NRG3: variants seen among roughly 807,000 people sequenced by gnomAD.
The protein encoded by NRG3 is neuregulin 3.
Under a neutral mutation model 66.9 loss-of-function variants are expected in NRG3, and 31 were observed. The ratio of observed to expected loss-of-function variants is 0.46; its 90% CI spans 0.35 to 0.63. NRG3 has a LOEUF of 0.63. Among genes scored for constraint, NRG3 ranks in the 20% least tolerant of loss-of-function variants. NRG3 has a pLI of 0.00. For missense variants in NRG3, 910 were observed against 878.9 expected, an observed-to-expected ratio of 1.04 and a Z score of -0.45; for synonymous variants, 393 against 359.4, an observed-to-expected ratio of 1.09 and a Z score of -1.06.
rs576519647 is a variant in NRG3, at chr10:82,598,958, G to C, written c.954-139619G>C. Among the ~76,000 whole-genome samples the C allele has an allele frequency of 6.6e-5, 10 of 152,252 alleles. No individual in the cohort carries two copies. In the East Asian group the frequency reaches 1.9e-3, roughly 30 times the overall value. ...CCAGCTGCTCGGGAGCCTGAGGCAG[G>C]AGAATTGCTTGAACACAGGAGGTGG... On this transcript the variant is annotated intron_variant, in intron 2 of 8. Coordinates refer to ENST00000372141, the MANE Select transcript of NRG3 (RefSeq NM_001010848.4).
At chr10:82,036,760 T>C (rs1398400411) in intron 1 of NRG3, among the ~76,000 whole-genome samples, 1 of 152,062 alleles carries the variant, frequency 6.6e-6, no homozygotes, top group Non-Finnish European at 1.5e-5. Context: ...TCTCCATAGG[T>C]CTTTACATCT....
chr10:82,354,584 G>T (rs2083658308), intron 1 of NRG3, among the ~76,000 whole-genome samples: 1 of 152,002 alleles, frequency 6.6e-6, no homozygotes, highest in Non-Finnish European at 1.5e-5. Context: ...TAGAGACAGG[G>T]TTTCACCATG....
intron 1 of NRG3, among the ~76,000 whole-genome samples, chr10:81,895,936 A>G (rs1374243958): frequency 6.6e-6 from 1 of 152,206 alleles, no homozygotes; most frequent in East Asian, 1.9e-4. Flanking sequence ...CTGGGGGCAC[A>G]TTGAAATCAT....
chr10:82,405,139 A>T (rs1270391015), intron 2 of NRG3, among the ~76,000 whole-genome samples: 1 of 152,158 alleles, frequency 6.6e-6, no homozygotes, highest in Non-Finnish European at 1.5e-5. Flanking sequence ...CAAAGTGAAA[A>T]AGACCTCAGA....
At chr10:82,600,004 A>C (rs2047519893) in intron 2 of NRG3, among the ~76,000 whole-genome samples, 1 of 152,170 alleles carries the variant, frequency 6.6e-6, no homozygotes, top group Non-Finnish European at 1.5e-5. Flanking sequence ...TCTACTTATA[A>C]TACTTAAAAA....
chr10:82,788,463 G>A (rs536840453), intron 3 of NRG3, among the ~76,000 whole-genome samples: 16 of 152,134 alleles, frequency 1.1e-4, no homozygotes, highest in African/African-American at 3.4e-4. Context: ...CCAGCTACTC[G>A]GGAGGCTGAG....
chr10:81,970,228 T>G (rs2059881890), intron 1 of NRG3, among the ~76,000 whole-genome samples: 1 of 152,208 alleles, frequency 6.6e-6, no homozygotes, highest in South Asian at 2.1e-4. Flanking sequence ...CTGTTATTTT[T>G]GTGCATATAG....
intron 1 of NRG3, among the ~76,000 whole-genome samples, chr10:82,354,313 A>G (rs894091042): frequency 6.6e-6 from 1 of 152,084 alleles, no homozygotes; most frequent in East Asian, 1.9e-4. Flanking sequence ...GTTCTGAGAT[A>G]CAGGTGTGAG....
At chr10:82,740,591 G>T (rs1440567548) in intron 3 of NRG3, among the ~76,000 whole-genome samples, 2 of 151,994 alleles carry the variant, frequency 1.3e-5, no homozygotes, top group African/African-American at 4.8e-5. Context: ...CCAGCACTTT[G>T]GGAGGCAGAG....
chr10:82,344,454 A>AGT (rs1316652162), intron 1 of NRG3, among the ~76,000 whole-genome samples: 1 of 149,176 alleles, frequency 6.7e-6, no homozygotes, highest in Non-Finnish European at 1.5e-5. Flanking sequence ...TTCTTAATCC[A>AGT]GTGTATCATT....
At chr10:82,402,151 A>C (rs1296773450) in intron 2 of NRG3, among the ~76,000 whole-genome samples, 1 of 152,112 alleles carries the variant, frequency 6.6e-6, no homozygotes, top group African/African-American at 2.4e-5. Context: ...CTCTTATGTT[A>C]TCATAAGAGG....
At chr10:82,514,534 A>G (rs1310992806) in intron 2 of NRG3, among the ~76,000 whole-genome samples, 2 of 151,696 alleles carry the variant, frequency 1.3e-5, no homozygotes, top group African/African-American at 2.4e-5. Context: ...ATTCTGTTCC[A>G]TTGGTCTATC....
intron 1 of NRG3, among the ~76,000 whole-genome samples, chr10:81,885,853 C>T (rs998506407): frequency 1.3e-5 from 2 of 151,980 alleles, no homozygotes; most frequent in African/African-American, 4.8e-5. Context: ...ATTGTTAGAC[C>T]AAAGCTTTTT....
At chr10:82,346,103 T>G (rs1283766433) in intron 1 of NRG3, among the ~76,000 whole-genome samples, 2 of 146,982 alleles carry the variant, frequency 1.4e-5, no homozygotes, top group Non-Finnish European at 3.0e-5. Context: ...AACACTATGT[T>G]GAATAGGAGT....
At chr10:82,272,982 T>C (rs1389467422) in intron 1 of NRG3, among the ~76,000 whole-genome samples, 2 of 152,092 alleles carry the variant, frequency 1.3e-5, no homozygotes, top group Non-Finnish European at 2.9e-5. Flanking sequence ...TCTGGTTGAA[T>C]ATTCTAACAA....
chr10:81,949,606 G>A (rs1227183971), intron 1 of NRG3, among the ~76,000 whole-genome samples: 1 of 151,982 alleles, frequency 6.6e-6, no homozygotes, highest in Non-Finnish European at 1.5e-5. Context: ...CTTAATTATT[G>A]TATGACATTT....
chr10:81,992,360 T>G (rs2060775220), intron 1 of NRG3, among the ~76,000 whole-genome samples: 1 of 152,180 alleles, frequency 6.6e-6, no homozygotes, highest in South Asian at 2.1e-4. Context: ...AATAACTGTC[T>G]GCTGTGCTTG....
At chr10:81,909,560 T>C (rs1490590104) in intron 1 of NRG3, among the ~76,000 whole-genome samples, 1 of 152,126 alleles carries the variant, frequency 6.6e-6, no homozygotes, top group Non-Finnish European at 1.5e-5. Flanking sequence ...TGTACATTGA[T>C]CCAAAATTGG....
At chr10:82,780,009 A>T (rs187999236) in intron 3 of NRG3, among the ~76,000 whole-genome samples, 76 of 152,162 alleles carry the variant, frequency 5.0e-4, no homozygotes, top group African/African-American at 1.7e-3. Context: ...GCTGAGAAAG[A>T]TGGTTTCCAG....
Sources: gnomAD v4.1 joint callset for allele counts (sites outside exome capture counted in the v4.1 genomes callset) on GRCh38, gnomAD v4.1.1 for gene constraint, MANE v1.5 for transcripts, NCBI Gene and HGNC (gene_info 2026-07-23, HGNC 2026-07-21) for gene names.